Variants in B3GALT1 observed in about 807,000 individuals in gnomAD.
The protein encoded by B3GALT1 is beta-1,3-galactosyltransferase 1, also known as UDP-Gal:betaGlcNAc beta 1,3-galactosyltransferase, polypeptide 1.
A neutral mutation model predicts 23.2 loss-of-function variants in B3GALT1; 10 were observed. The ratio of observed to expected loss-of-function variants is 0.43; its 90% CI spans 0.27 to 0.73. The LOEUF is 0.73. B3GALT1 is among the 30% of genes least tolerant of loss of function. B3GALT1 has a pLI of 0.21. For missense variants in B3GALT1, 299 were observed against 405.4 expected (o/e 0.74, Z 2.25); for synonymous variants, 156 against 141.5 (o/e 1.10, Z -0.73).
chr2:167,461,775 C>T (rs1172013029), intron 1 of B3GALT1, among the ~76,000 whole-genome samples: 1 of 151,938 alleles, frequency 6.6e-6, no homozygotes, highest in Admixed American at 6.6e-5. Context: ...TTCTTTTAGG[C>T]AATTACATAA....
intron 3 of B3GALT1, among the ~76,000 whole-genome samples, chr2:167,734,476 A>T (rs1687461273): frequency 6.6e-6 from 1 of 152,152 alleles, no homozygotes; most frequent in African/African-American, 2.4e-5. Flanking sequence ...GAACACAGAG[A>T]TTACTCAGAG....
intron 4 of B3GALT1, among the ~76,000 whole-genome samples, chr2:167,833,060 G>A (rs563597925): frequency 1.2e-4 from 18 of 152,164 alleles, no homozygotes; most frequent in Non-Finnish European, 2.2e-4. Context: ...GTTTCTTAAG[G>A]GACAGGCAGA....
intron 4 of B3GALT1, among the ~76,000 whole-genome samples, chr2:167,845,471 C>T (rs767103176): frequency 6.6e-6 from 1 of 152,130 alleles, no homozygotes; most frequent in African/African-American, 2.4e-5. Flanking sequence ...GACTTACTTA[C>T]GGAGTGGCTA....
At chr2:167,863,585 C>T (rs1690148341) in intron 4 of B3GALT1, among the ~76,000 whole-genome samples, 1 of 152,114 alleles carries the variant, frequency 6.6e-6, no homozygotes. Context: ...CACAGACATA[C>T]TGACCCATTA....
chr2:167,808,574 T>C (rs895158778), intron 3 of B3GALT1, among the ~76,000 whole-genome samples: 1 of 152,026 alleles, frequency 6.6e-6, no homozygotes, highest in African/African-American at 2.4e-5. Context: ...AAATTCTGGG[T>C]TGAAAATTCT....
chr2:167,392,037 C>T (rs994024878), intron 1 of B3GALT1, among the ~76,000 whole-genome samples: 1 of 151,976 alleles, frequency 6.6e-6, no homozygotes, highest in African/African-American at 2.4e-5. Flanking sequence ...ACTCTGAAGG[C>T]GTCATCAGTT....
Position 167,869,984 on chromosome 2 carries a change from G to A in B3GALT1, c.945G>A (p.Trp315Ter). ...QISPEEMHRI[W>*]NDMSSKKHLR... Reference sequence around the variant, plus strand: ...CTCCAGAAGAAATGCACAGAATCTGGAATGACATGTCAAGCAAGAAACATC... The same window carrying A: ...CTCCAGAAGAAATGCACAGAATCTGAAATGACATGTCAAGCAAGAAACATC... Residue 315 changes from tryptophan (W) to a stop codon, truncating the protein, a stop_gained, in exon 5 of 5, where the codon TGG becomes TGA. Coordinates refer to ENST00000392690, the MANE Select transcript of B3GALT1 (RefSeq NM_020981.4). LOFTEE classifies it high-confidence loss of function. This position sits in a 1 kb window ranked among gnomAD's most constrained non-coding sequence, Gnocchi z 6.4. 2 of 1,607,474 alleles carry A rather than the reference G, an allele frequency of 1.2e-6. No individual in the cohort carries two copies. The highest frequency in any genetic ancestry group is 1.7e-6 in the Non-Finnish European group (2 of 1,174,810).
intron 3 of B3GALT1, among the ~76,000 whole-genome samples, chr2:167,718,709 G>T (rs1207914640): frequency 6.6e-6 from 1 of 152,074 alleles, no homozygotes; most frequent in Non-Finnish European, 1.5e-5. Context: ...GTGATGGGAG[G>T]ACAAAAGGGC....
At chr2:167,617,000 TATAAA>T (rs1262000088) in intron 2 of B3GALT1, among the ~76,000 whole-genome samples, 1 of 152,116 alleles carries the variant, frequency 6.6e-6, no homozygotes, top group African/African-American at 2.4e-5. Context: ...AATGGTCTAT[TATAAA>T]ATAAAAGTTT....
chr2:167,870,112 G>A lies in B3GALT1; in HGVS notation c.*92G>A. The A allele has an allele frequency of 7.5e-7, 1 of 1,338,496 alleles. No individual in the cohort carries two copies. The highest frequency in any genetic ancestry group is 1.5e-5 in the African/African-American group (1 of 67,854). The allele number at this position is 1,338,496 out of a possible 1,614,324, so 82.9% of individuals were successfully genotyped here. On this transcript the variant is annotated 3_prime_UTR_variant, in exon 5 of 5. Coordinates refer to ENST00000392690, the MANE Select transcript of B3GALT1 (RefSeq NM_020981.4). Reference sequence around the variant, plus strand: ...TTCCAGGTGTCGGGGGAAATGAACTGGTGAAGGGGTTTTGTAAAGTTTTTG... The same window carrying A: ...TTCCAGGTGTCGGGGGAAATGAACTAGTGAAGGGGTTTTGTAAAGTTTTTG...
chr2:167,742,577 A>C (rs1687591917), intron 3 of B3GALT1, among the ~76,000 whole-genome samples: 1 of 152,188 alleles, frequency 6.6e-6, no homozygotes, highest in Non-Finnish European at 1.5e-5. Context: ...GTTCTATCAC[A>C]GCAGAAAGAT....
chr2:167,811,920 G>A (rs1401634779), intron 3 of B3GALT1, among the ~76,000 whole-genome samples: 1 of 152,178 alleles, frequency 6.6e-6, no homozygotes, highest in East Asian at 1.9e-4. Context: ...ACTGTCTATA[G>A]GGCATAATCA....
intron 3 of B3GALT1, among the ~76,000 whole-genome samples, chr2:167,754,136 T>C (rs1047522046): frequency 1.2e-4 from 19 of 152,226 alleles, no homozygotes; most frequent in Non-Finnish European, 2.5e-4. Flanking sequence ...TAAGAATAGA[T>C]TCCAGGGCAA....
intron 1 of B3GALT1, among the ~76,000 whole-genome samples, chr2:167,405,019 C>G (rs1314610836): frequency 1.3e-5 from 2 of 152,154 alleles, no homozygotes; most frequent in Non-Finnish European, 1.5e-5. Context: ...TTTATCCCCA[C>G]CATTACTGCT....
intron 4 of B3GALT1, among the ~76,000 whole-genome samples, chr2:167,843,110 C>A (rs557636844): frequency 6.6e-6 from 1 of 152,168 alleles, no homozygotes; most frequent in East Asian, 1.9e-4. Flanking sequence ...TGGAATAAGT[C>A]CCTTAACAAA....
intron 1 of B3GALT1, among the ~76,000 whole-genome samples, chr2:167,338,441 A>G (rs1697094299): frequency 6.7e-6 from 1 of 149,502 alleles, no homozygotes; most frequent in Non-Finnish European, 1.5e-5. Context: ...TTTTGAAGAC[A>G]AACAGATACA....
chr2:167,383,991 AACTATTTGCAC>A (rs1260881074), intron 1 of B3GALT1, among the ~76,000 whole-genome samples: 1 of 152,214 alleles, frequency 6.6e-6, no homozygotes, highest in Non-Finnish European at 1.5e-5. Flanking sequence ...TTAAAATGCA[AACTATTTGCAC>A]ATAGGTTACA....
intron 4 of B3GALT1, among the ~76,000 whole-genome samples, chr2:167,846,663 A>G (rs1458749146): frequency 6.6e-6 from 1 of 152,192 alleles, no homozygotes; most frequent in East Asian, 1.9e-4. Context: ...CATAAATCAC[A>G]CAGGACCTAT....
chr2:167,352,268 GTTTTTTTTTTTGTTTT>G (rs1268100871), intron 1 of B3GALT1, among the ~76,000 whole-genome samples: 2,415 of 32,316 alleles, frequency 0.075, 80 homozygotes, highest in African/African-American at 0.15. Context: ...TGCCTGGCCT[GTTTTTTTTTTTGTTTT>G]TTTTTTTTTA....
Sources: allele counts gnomAD v4.1 joint callset (sites outside exome capture counted in the v4.1 genomes callset), GRCh38; gene constraint gnomAD v4.1.1; non-coding constraint Gnocchi (gnomAD v3.1); transcripts MANE v1.5; gene names NCBI Gene and HGNC (gene_info 2026-07-23, HGNC 2026-07-21).